Variants in XKR6 observed in about 807,000 individuals in gnomAD.
XKR6 encodes XK related 6.
XKR6 carries 22 observed loss-of-function variants against 56.7 expected under a neutral mutation model. The observed-to-expected ratio is 0.39, with a 90% CI of 0.28 to 0.55. The LOEUF (loss-of-function observed/expected upper bound fraction) is 0.55. Ranked by LOEUF, XKR6 falls within the 20% of genes least tolerant of loss-of-function variation. The probability of loss-of-function intolerance (pLI) is 0.66; values close to 1 mark genes in which losing one functional copy is unlikely to be tolerated. For missense variants in XKR6, 852 were observed against 889.0 expected (o/e 0.96, Z 0.53); for synonymous variants, 524 against 387.8 (o/e 1.35, Z -4.13).
rs869151206 is a variant in XKR6 at position 10,990,919 on chromosome 8, T to TTTTTC, written c.765-66090_765-66089insGAAAA. Among the ~76,000 whole-genome samples, 370 of 143,514 alleles carry TTTTTC rather than the reference T, an allele frequency of 2.6e-3. 4 individuals are homozygous for TTTTTC. Among genetic ancestry groups the TTTTTC allele is most frequent in the African/African-American group, 9.8e-3 (361 of 37,002 alleles). The allele number at this position is 143,514 out of a possible 152,430, so 94.2% of individuals were successfully genotyped here. ...TCTTTTTTTTTTTTTTTTTTTTTTTTCGAGACAGAGTCTCACTTGGTCACC... is the reference window on the plus strand; with the variant it reads ...TCTTTTTTTTTTTTTTTTTTTTTTTTTTTTCCGAGACAGAGTCTCACTTGGTCACC... On this transcript the variant is annotated intron_variant, in intron 1 of 2. Coordinates refer to ENST00000416569, the MANE Select transcript of XKR6 (RefSeq NM_173683.4).
chr8:10,971,630 G>A lies in XKR6; in HGVS notation c.765-46800C>T, dbSNP rs1274369203. The stretch of plus-strand genomic sequence containing the variant: ...GCAACTTACCTGAGGCCAATCAGTG[G>A]TTTGGCCCTGCCCAGCGGTCCTAAC... On this transcript the variant is annotated intron_variant, in intron 1 of 2. Transcript: ENST00000416569. Among the ~76,000 whole-genome samples, 4 of 152,034 alleles carry A rather than the reference G, an allele frequency of 2.6e-5. No individual in the cohort carries two copies. In the East Asian group the frequency reaches 7.7e-4, roughly 29 times the overall value.
At chr8:11,184,376 T>C (rs1281654108) in intron 1 of XKR6, among the ~76,000 whole-genome samples, 20 of 141,768 alleles carry the variant, frequency 1.4e-4, no homozygotes, top group Non-Finnish European at 1.5e-5. Context: ...TTTATATATA[T>C]ATATACACAC....
chr8:11,197,721 A>C (rs1803966389), intron 1 of XKR6, among the ~76,000 whole-genome samples: 1 of 152,228 alleles, frequency 6.6e-6, no homozygotes, highest in African/African-American at 2.4e-5. Context: ...TCCATGCTCC[A>C]ATTTCAGCCC....
chr8:11,018,943 A>G (rs1053097949), intron 1 of XKR6, among the ~76,000 whole-genome samples: 1 of 152,088 alleles, frequency 6.6e-6, no homozygotes, highest in Non-Finnish European at 1.5e-5. Context: ...CACCATGCTC[A>G]TCTGGAGATG....
intron 1 of XKR6, among the ~76,000 whole-genome samples, chr8:10,997,861 G>A (rs1315901157): frequency 1.3e-5 from 2 of 152,116 alleles, no homozygotes; most frequent in African/African-American, 4.8e-5. Context: ...AGGCACAACC[G>A]GGGTCAGAGG....
At chr8:11,187,754 G>A (rs1803351896) in intron 1 of XKR6, among the ~76,000 whole-genome samples, 1 of 152,126 alleles carries the variant, frequency 6.6e-6, no homozygotes, top group African/African-American at 2.4e-5. Flanking sequence ...ATGATGGTGT[G>A]GGGGCACATG....
intron 1 of XKR6, among the ~76,000 whole-genome samples, chr8:10,967,340 G>A (rs1802256756): frequency 6.6e-6 from 1 of 152,168 alleles, no homozygotes; most frequent in African/African-American, 2.4e-5. Context: ...AAGCTGCTGT[G>A]GGAAACTCCC....
At chr8:10,950,714 C>T (rs541839177) in intron 1 of XKR6, among the ~76,000 whole-genome samples, 2 of 152,300 alleles carry the variant, frequency 1.3e-5, no homozygotes, top group African/African-American at 4.8e-5. Context: ...CTTGAGATGG[C>T]GAGAACATAC....
chr8:10,955,112 G>A (rs528196462), intron 1 of XKR6, among the ~76,000 whole-genome samples: 11 of 151,892 alleles, frequency 7.2e-5, no homozygotes, highest in African/African-American at 2.2e-4. Context: ...CAAGTGATCC[G>A]TCAGCCTTGG....
chr8:10,999,044 T>C (rs1798180632), intron 1 of XKR6, among the ~76,000 whole-genome samples: 1 of 152,222 alleles, frequency 6.6e-6, no homozygotes, highest in Non-Finnish European at 1.5e-5. Context: ...CTCCTCTCAA[T>C]GCTTGGAAGA....
chr8:10,968,068 G>A (rs899798425), intron 1 of XKR6, among the ~76,000 whole-genome samples: 3 of 152,178 alleles, frequency 2.0e-5, no homozygotes, highest in Non-Finnish European at 4.4e-5. Flanking sequence ...CCTTTCCTGT[G>A]AGCGAGGGGC....
chr8:10,915,615 A>G (rs1339790996), intron 2 of XKR6, among the ~76,000 whole-genome samples: 2 of 152,192 alleles, frequency 1.3e-5, no homozygotes, highest in African/African-American at 2.4e-5. Context: ...AGAGTGGTGC[A>G]GTGCGAGCGT....
chr8:11,121,105 A>G (rs1342948137), intron 1 of XKR6, among the ~76,000 whole-genome samples: 1 of 152,186 alleles, frequency 6.6e-6, no homozygotes, highest in Non-Finnish European at 1.5e-5. Context: ...CCTAGGCAAT[A>G]CCACTCAGGA....
At chr8:10,951,400 G>C (rs1306693870) in intron 1 of XKR6, among the ~76,000 whole-genome samples, 1 of 152,132 alleles carries the variant, frequency 6.6e-6, no homozygotes, top group East Asian at 1.9e-4. Context: ...GCTCAGAGAG[G>C]GGAATGGGCT....
chr8:11,040,126 C>T (rs1226925016), intron 1 of XKR6, among the ~76,000 whole-genome samples: 1 of 151,966 alleles, frequency 6.6e-6, no homozygotes, highest in Non-Finnish European at 1.5e-5. Flanking sequence ...CAGTAAGGAC[C>T]CAGGCCGGGG....
At chr8:11,143,179 T>C (rs79819122) in intron 1 of XKR6, among the ~76,000 whole-genome samples, 9,540 of 151,554 alleles carry the variant, frequency 0.063, 398 homozygotes, top group African/African-American at 0.11. Context: ...ATAGCTAACA[T>C]AAAAAAAAGA....
chr8:10,898,898 G>C lies in XKR6; in HGVS notation c.980C>G (p.Ser327Cys). 6.2e-7 allele frequency: 1 copy of C among 1,609,044 alleles called. No homozygotes were observed. The highest frequency in any genetic ancestry group is 8.5e-7 in the Non-Finnish European group (1 of 1,177,338). Residue 327 changes from serine to cysteine, a missense_variant, in exon 3 of 3, where the codon TCC (serine) becomes TGC (cysteine). Coordinates refer to ENST00000416569, the MANE Select transcript of XKR6 (RefSeq NM_173683.4). This position sits in a 1 kb window ranked among gnomAD's most constrained non-coding sequence, Gnocchi z 6.6. ...TAGCACCCAAGCCAGGGACATCAGGGAAGTCACAGAGGAGACACCTGCCGG... is the reference window on the plus strand; with the variant it reads ...TAGCACCCAAGCCAGGGACATCAGGCAAGTCACAGAGGAGACACCTGCCGG... ...ETLPCVSSVT[S>C]LMSLAWVLAS... is the part of the protein sequence containing the mutation.
At chr8:11,100,040 AT>A (rs1176661214) in intron 1 of XKR6, among the ~76,000 whole-genome samples, 3 of 151,810 alleles carry the variant, frequency 2.0e-5, no homozygotes, top group Non-Finnish European at 4.4e-5. Context: ...AGTAGGGCTC[AT>A]TTTTTTTCTT....
intron 1 of XKR6, among the ~76,000 whole-genome samples, chr8:11,027,917 C>T (rs1798906189): frequency 1.3e-5 from 2 of 152,144 alleles, no homozygotes; most frequent in African/African-American, 4.8e-5. Context: ...CCCACCCCTC[C>T]AGAGTGGTGC....
Sources: allele counts gnomAD v4.1 joint callset (sites outside exome capture counted in the v4.1 genomes callset), GRCh38; gene constraint gnomAD v4.1.1; non-coding constraint Gnocchi (gnomAD v3.1); transcripts MANE v1.5; gene names NCBI Gene and HGNC (gene_info 2026-07-23, HGNC 2026-07-21).